Variants in PSD3 observed in about 807,000 individuals in gnomAD.
The protein encoded by PSD3 is PH and SEC7 domain-containing protein 3.
A neutral mutation model predicts 105.5 loss-of-function variants in PSD3; 49 were observed. That is an observed-to-expected ratio of 0.46 (90% CI 0.37 to 0.59). The LOEUF (loss-of-function observed/expected upper bound fraction) is 0.59. Among genes scored for constraint, PSD3 ranks in the 20% least tolerant of loss-of-function variants. The probability of loss-of-function intolerance (pLI) is 0.00; values close to 1 mark genes in which losing one functional copy is unlikely to be tolerated. For synonymous variants in PSD3, 557 were observed against 457.8 expected (o/e 1.22, Z -2.77); for missense variants, 1,561 against 1,263.8 (o/e 1.24, Z -3.57).
intron 1 of PSD3, among the ~76,000 whole-genome samples, chr8:18,937,438 T>C (rs545446847): frequency 6.6e-6 from 1 of 152,348 alleles, no homozygotes; most frequent in East Asian, 1.9e-4. Context: ...GAAATGTTAG[T>C]ATTTCTATTC....
intron 9 of PSD3, among the ~76,000 whole-genome samples, chr8:18,720,617 G>A (rs1488831930): frequency 6.6e-6 from 1 of 152,132 alleles, no homozygotes; most frequent in Non-Finnish European, 1.5e-5. Context: ...GATTCTTACA[G>A]AAGTACATAC....
intron 8 of PSD3, among the ~76,000 whole-genome samples, chr8:18,786,134 G>A (rs1220452531): frequency 6.6e-6 from 1 of 152,152 alleles, no homozygotes; most frequent in Non-Finnish European, 1.5e-5. Context: ...AACCCGGGAG[G>A]TGGAGCTTGC....
intron 4 of PSD3, among the ~76,000 whole-genome samples, chr8:18,825,541 G>C (rs372623716): frequency 7.2e-5 from 11 of 152,314 alleles, no homozygotes; most frequent in African/African-American, 2.6e-4. Flanking sequence ...TTGAGGGGAA[G>C]AGAATCCTAT....
chr8:18,914,554 A>G (rs946953970), intron 2 of PSD3, among the ~76,000 whole-genome samples: 3 of 152,230 alleles, frequency 2.0e-5, no homozygotes, highest in Non-Finnish European at 4.4e-5. Context: ...ACCAGTAGCA[A>G]TTCTATACAC....
rs1236270521 is a variant in PSD3, at chr8:18,864,744, G to C, written c.1634+2930C>G. 3.9e-5 allele frequency: 6 copies of C among 151,970 alleles called. No individual in the cohort carries two copies. In the East Asian group the frequency reaches 1.2e-3, roughly 29 times the overall value. 9.4% of individuals were successfully genotyped at this position (151,970 alleles called of 1,614,324 possible). Reference sequence around the variant, plus strand: ...CTTTTGTAAATATATTAATACAATGGGAAATTTTTTTTCCTTTAATTCTAA... The same window carrying C: ...CTTTTGTAAATATATTAATACAATGCGAAATTTTTTTTCCTTTAATTCTAA... On this transcript the variant is annotated intron_variant, in intron 4 of 15. Transcript: ENST00000327040.
At chr8:18,741,712 A>G (rs1432809845) in intron 9 of PSD3, among the ~76,000 whole-genome samples, 3 of 148,044 alleles carry the variant, frequency 2.0e-5, no homozygotes, top group African/African-American at 7.4e-5. Flanking sequence ...GCATTTTGGG[A>G]TGCCCTCTCC....
At chr8:18,652,022 G>C (rs925871788) in intron 10 of PSD3, among the ~76,000 whole-genome samples, 3 of 152,190 alleles carry the variant, frequency 2.0e-5, no homozygotes, top group Non-Finnish European at 4.4e-5. Context: ...GAAGAGGAAA[G>C]ATGCTGTTTG....
intron 1 of PSD3, among the ~76,000 whole-genome samples, chr8:18,975,575 G>A (rs918534471): frequency 3.3e-5 from 5 of 152,144 alleles, no homozygotes; most frequent in African/African-American, 9.7e-5. Context: ...GAGATAACAA[G>A]TATAAAGGTT....
At chr8:19,030,225 AC>A (rs1400459527) in intron 1 of PSD3, among the ~76,000 whole-genome samples, 1 of 152,216 alleles carries the variant, frequency 6.6e-6, no homozygotes, top group Non-Finnish European at 1.5e-5. Flanking sequence ...CTTTTGAGAT[AC>A]TCATATGATT....
At chr8:18,752,544 T>TATA in intron 9 of PSD3, among the ~76,000 whole-genome samples, 1 of 15,124 alleles carries the variant, frequency 6.6e-5, no homozygotes, top group East Asian at 3.1e-3. Context: ...ATATTATATA[T>TATA]ATTATATATA....
intron 9 of PSD3, among the ~76,000 whole-genome samples, chr8:18,676,575 A>G (rs1800074847): frequency 1.3e-5 from 2 of 152,176 alleles, no homozygotes; most frequent in South Asian, 4.1e-4. Flanking sequence ...GGAGTGTCCT[A>G]TCCTGAGTAG....
At chr8:19,013,128 C>T (rs1827031207) in intron 1 of PSD3, among the ~76,000 whole-genome samples, 1 of 152,008 alleles carries the variant, frequency 6.6e-6, no homozygotes, top group Admixed American at 6.6e-5. Flanking sequence ...GGAATTGCAC[C>T]GAATAATCTT....
intron 1 of PSD3, among the ~76,000 whole-genome samples, chr8:19,074,607 ATATATTTTT>A (rs1829393534): frequency 1.7e-4 from 2 of 11,684 alleles, no homozygotes; most frequent in Non-Finnish European, 2.6e-4. Flanking sequence ...ATATATATAT[ATATATTTTT>A]TTTTTTTTTT....
intron 1 of PSD3, among the ~76,000 whole-genome samples, chr8:18,998,531 C>T (rs1826203855): frequency 6.6e-6 from 1 of 151,746 alleles, no homozygotes; most frequent in Non-Finnish European, 1.5e-5. Flanking sequence ...ACTAAAAATA[C>T]GAAAAATTAG....
chr8:18,675,004 T>C (rs1274101622), intron 9 of PSD3, among the ~76,000 whole-genome samples: 1 of 151,574 alleles, frequency 6.6e-6, no homozygotes, highest in Non-Finnish European at 1.5e-5. Context: ...CTGTCTCCAA[T>C]TTAAAAAAAA....
intron 9 of PSD3, among the ~76,000 whole-genome samples, chr8:18,715,838 C>A (rs769699226): frequency 6.6e-6 from 1 of 152,178 alleles, no homozygotes; most frequent in Admixed American, 6.5e-5. Flanking sequence ...GTACATCCAA[C>A]GCATATTTAC....
intron 2 of PSD3, among the ~76,000 whole-genome samples, chr8:18,915,989 G>A (rs968760092): frequency 6.6e-6 from 1 of 151,896 alleles, no homozygotes; most frequent in Non-Finnish European, 1.5e-5. Context: ...CCAGCTACTC[G>A]GGAGGCTAAG....
chr8:18,681,368 A>C (rs527734175), intron 9 of PSD3, among the ~76,000 whole-genome samples: 59 of 145,086 alleles, frequency 4.1e-4, no homozygotes, highest in Non-Finnish European at 7.5e-4. Context: ...ATACTTTGGG[A>C]GGCAGAGGTG....
chr8:18,838,391 G>C (rs1168975104), intron 4 of PSD3, among the ~76,000 whole-genome samples: 1 of 152,124 alleles, frequency 6.6e-6, no homozygotes, highest in Non-Finnish European at 1.5e-5. Context: ...CTTTACAAAA[G>C]CATTTCTGCG....
Sources: allele counts gnomAD v4.1 joint callset (sites outside exome capture counted in the v4.1 genomes callset), GRCh38; gene constraint gnomAD v4.1.1; transcripts MANE v1.5; gene names NCBI Gene and HGNC (gene_info 2026-07-23, HGNC 2026-07-21).